The following CRIP2 variants were observed in gnomAD, a reference collection of about 807,000 sequenced individuals.
The protein encoded by CRIP2 is cysteine rich protein 2, also known as cysteine-rich protein 2.
CRIP2 carries 31 observed loss-of-function variants against 31.3 expected under a neutral mutation model. That is an observed-to-expected ratio of 0.99 (90% CI 0.74 to 1.34). The LOEUF (loss-of-function observed/expected upper bound fraction) is 1.34, where lower values mean the gene tolerates loss of function less well. Among genes scored for constraint, CRIP2 ranks in the 40% most tolerant of loss-of-function variants. CRIP2 has a pLI of 0.00. For missense variants in CRIP2, 389 were observed against 301.6 expected (o/e 1.29, Z -2.15); for synonymous variants, 177 against 127.2 (o/e 1.39, Z -2.63).
rs781977182 is a variant in CRIP2 at position 105,478,453 on chromosome 14, G to A, written c.142G>A (p.Asp48Asn). The A allele has an allele frequency of 6.2e-7, 1 of 1,605,114 alleles. No individual in the cohort carries two copies. Among genetic ancestry groups the A allele is most frequent in the Non-Finnish European group, 8.5e-7 (1 of 1,178,508 alleles). The part of the protein sequence containing the change: ...TLTPGGHAEH[D>N]GKPFCHKPCY... The stretch of plus-strand genomic sequence containing the variant: ...TGACCCGCGCCCCTCTGCGCAGCAT[G>A]ACGGGAAGCCGTTCTGCCACAAGCC... Residue 48 changes from aspartate to asparagine, a missense_variant, in exon 3 of 8, where the codon GAC becomes AAC. By Grantham distance (23) the Asp-to-Asn change is conservative. Coordinates refer to ENST00000329146, the MANE Select transcript of CRIP2 (RefSeq NM_001312.4). This position sits in a 1 kb window ranked among gnomAD's most constrained non-coding sequence, Gnocchi z 4.9.
chr14:105,479,063 G>C lies in CRIP2; in HGVS notation c.406+16G>C. The C allele has an allele frequency of 6.4e-7, 1 of 1,565,906 alleles. No individual in the cohort carries two copies. Among genetic ancestry groups the C allele is most frequent in the Non-Finnish European group, 8.6e-7 (1 of 1,156,776 alleles). ...GTGTACTTCGGTGAGTGCGCGCCCG[G>C]GCCCCGGACCCCCGCCCCCGCCCCC... On this transcript the variant is annotated intron_variant, in intron 5 of 7. Coordinates refer to ENST00000329146, the MANE Select transcript of CRIP2 (RefSeq NM_001312.4).
Position 105,478,697 on chromosome 14 carries a change from C to T in CRIP2, c.197-34C>T. 6.9e-7 allele frequency: 1 copy of T among 1,442,408 alleles called. No homozygotes were observed. Among genetic ancestry groups the T allele is most frequent in the Non-Finnish European group, 9.1e-7 (1 of 1,100,588 alleles). The allele number at this position is 1,442,408 out of a possible 1,614,324, so 89.4% of individuals were successfully genotyped here. A position where few individuals can be genotyped will look rare whatever the true frequency, so the allele number is the denominator to read the frequency against. ...TGCCCGGTGGCCGCGGCCCCCACCC[C>T]ACGTACCCCCGCCCCACGTACCCCC... is the stretch of plus-strand genomic sequence containing the variant. On this transcript the variant is annotated intron_variant, in intron 3 of 7. Coordinates refer to ENST00000329146, the MANE Select transcript of CRIP2 (RefSeq NM_001312.4). This position sits in a 1 kb window ranked among gnomAD's most constrained non-coding sequence, Gnocchi z 4.9.
At chr14:105,472,986 TCTCC>T, upstream of CRIP2, 1 of 580,992 alleles carries the variant, frequency 1.7e-6, no homozygotes, top group Non-Finnish European at 3.1e-6. Context: ...GGGCAGGTGG[TCTCC>T]CTCCAGAAGA....
In CRIP2 at chr14:105,479,775, T is replaced by C. The variant is rs2084051940; in HGVS notation, c.*122T>C. The C allele has an allele frequency of 3.5e-6, 4 of 1,129,514 alleles. No homozygotes were observed. The highest frequency in any genetic ancestry group is 1.5e-5 in the African/African-American group (1 of 65,150). The allele number at this position is 1,129,514 out of a possible 1,614,324, so 70.0% of individuals were successfully genotyped here. A position where few individuals can be genotyped will look rare whatever the true frequency, so the allele number is the denominator to read the frequency against. On this transcript the variant is annotated 3_prime_UTR_variant, in exon 8 of 8. Transcript: ENST00000329146. The stretch of plus-strand genomic sequence containing the variant: ...CCTGCCTGCAAGCCCAGGGCGAGTA[T>C]TGGAGGAGGGGCAGCCACGGGCAGA...
At chr14:105,474,029 G>C (rs2083883815), upstream of CRIP2, 2 of 161,152 alleles carry the variant, frequency 1.2e-5, no homozygotes, top group African/African-American at 4.8e-5. This position sits in a 1 kb window ranked among gnomAD's most constrained non-coding sequence, Gnocchi z 5.1. Context: ...GCTTGGGGTG[G>C]ACGCCTTAAG....
chr14:105,473,386 G>C (rs1442871215), upstream of CRIP2: 3 of 1,535,762 alleles, frequency 2.0e-6, no homozygotes, highest in Admixed American at 2.0e-5. Context: ...AGTGGCTGCA[G>C]GGTGTGTGTG....
chr14:105,474,636 G>A (rs1480848223), upstream of CRIP2: 4 of 298,712 alleles, frequency 1.3e-5, no homozygotes, highest in Admixed American at 6.7e-5. The surrounding 1 kb of genome is among the most constrained non-coding windows in gnomAD (Gnocchi z 5.1). Context: ...GGGGCCCGGG[G>A]GCGCCAGGCC....
intron 1 of CRIP2, chr14:105,477,285 G>T: frequency 1.0e-6 from 1 of 985,474 alleles, no homozygotes; most frequent in East Asian, 1.1e-4. Context: ...GGCAGTGGCA[G>T]AGGGTCCCGG....
In CRIP2 at chr14:105,479,578, C is replaced by G. The variant is rs782484806; in HGVS notation, c.560-8C>G. The G allele has an allele frequency of 5.0e-6, 8 of 1,612,852 alleles. No homozygotes were observed. The highest frequency in any genetic ancestry group is 6.8e-6 in the Non-Finnish European group (8 of 1,179,942). On this transcript the variant is annotated splice_polypyrimidine_tract_variant and splice_region_variant and intron_variant, in intron 7 of 7. Transcript: ENST00000329146. ...CCCCCGACCCACCCCAGCGGCCTCCCTCCACAGGAGTGAACACCGGTGCGG... is the reference window on the plus strand; with the variant it reads ...CCCCCGACCCACCCCAGCGGCCTCCGTCCACAGGAGTGAACACCGGTGCGG...
chr14:105,477,642 G>A (rs1289900734), intron 1 of CRIP2: 9 of 828,768 alleles, frequency 1.1e-5, no homozygotes, highest in Non-Finnish European at 1.2e-5. Flanking sequence ...AATGACAGGT[G>A]GGGGAGATGC....
At chr14:105,476,449 T>C in intron 1 of CRIP2, 2 of 985,454 alleles carry the variant, frequency 2.0e-6, no homozygotes, top group Non-Finnish European at 2.4e-6. Flanking sequence ...TCGGAGCACA[T>C]TGAGGAGGCC....
At position 105,479,686 on chromosome 14, in the gene CRIP2, G is replaced by A. The variant is rs782774466; in HGVS notation, c.*33G>A. ...CGGCTCTCATGATGTGGGCTCACCT[G>A]CGCCCCAGACCCTGCAGGGGCCCCC... On this transcript the variant is annotated 3_prime_UTR_variant, in exon 8 of 8. Transcript: ENST00000329146. The A allele has an allele frequency of 2.5e-6, 4 of 1,599,352 alleles. No individual in the cohort carries two copies. The highest frequency in any genetic ancestry group is 1.7e-5 in the Admixed American group (1 of 58,640).
chr14:105,476,666 G>A (rs587613976), intron 1 of CRIP2: 13 of 985,000 alleles, frequency 1.3e-5, no homozygotes, highest in African/African-American at 7.0e-5. Flanking sequence ...CAGCTGCCAC[G>A]GCCGATAGCC....
rs1488965172 is a variant in CRIP2, at chr14:105,480,098, G to C, written c.*445G>C. On this transcript the variant is annotated 3_prime_UTR_variant, in exon 8 of 8. Coordinates refer to ENST00000329146, the MANE Select transcript of CRIP2 (RefSeq NM_001312.4). ...TGCCCACACTGCCTCGCAAGCGCTCGCCACCCTCACGTGGCTCACCTGCTG... is the reference window on the plus strand; with the variant it reads ...TGCCCACACTGCCTCGCAAGCGCTCCCCACCCTCACGTGGCTCACCTGCTG... The C allele has an allele frequency of 1.0e-5, 2 of 198,720 alleles. No individual in the cohort carries two copies. The highest frequency in any genetic ancestry group is 2.1e-5 in the Non-Finnish European group (2 of 95,970). 12.3% of individuals were successfully genotyped at this position (198,720 alleles called of 1,614,324 possible).
At chr14:105,476,472 A>G (rs1323147030) in intron 1 of CRIP2, 3 of 985,428 alleles carry the variant, frequency 3.0e-6, no homozygotes, top group East Asian at 1.1e-4. Context: ...CCCAGAGCCC[A>G]TGCAGCCAGG....
At chr14:105,475,776 C>T in intron 1 of CRIP2, 9 of 973,006 alleles carry the variant, frequency 9.2e-6, no homozygotes, top group Non-Finnish European at 1.1e-5. Context: ...TTCCTCCTGG[C>T]TGATTCGCTG....
chr14:105,479,160 C>G lies in CRIP2; in HGVS notation c.442C>G (p.Arg148Gly), dbSNP rs145201995. 2 of 1,611,664 alleles carry G rather than the reference C, an allele frequency of 1.2e-6. No homozygotes were observed. The highest frequency in any genetic ancestry group is 2.7e-5 in the African/African-American group (2 of 74,856). The stretch of plus-strand genomic sequence containing the variant: ...GACGTCTCTGGGCAAGGATTGGCAC[C>G]GGCCCTGCCTGCGCTGCGAGCGCTG... ...KVTSLGKDWHRPCLRCERCGK... is the reference protein window; with the variant it reads ...KVTSLGKDWHGPCLRCERCGK... The change falls in exon 6 of 8, where the codon CGG becomes GGG. Residue 148 changes from arginine (R) to glycine (G), a missense_variant. Coordinates refer to ENST00000329146, the MANE Select transcript of CRIP2 (RefSeq NM_001312.4).
At position 105,474,831 on chromosome 14, in the gene CRIP2, C is replaced by T. The variant is rs782588488; in HGVS notation, c.-32C>T. The T allele has an allele frequency of 1.4e-6, 2 of 1,434,250 alleles. No individual in the cohort carries two copies. Among genetic ancestry groups the T allele is most frequent in the Non-Finnish European group, 1.8e-6 (2 of 1,083,226 alleles). 88.8% of individuals were successfully genotyped at this position (1,434,250 alleles called of 1,614,324 possible). Reference sequence around the variant, plus strand: ...CGGCGGCGGCCCGGAGGAGAACGGGCGGAGGGCGCGGGCCGACCGGGCGCA... The same window carrying T: ...CGGCGGCGGCCCGGAGGAGAACGGGTGGAGGGCGCGGGCCGACCGGGCGCA... On this transcript the variant is annotated 5_prime_UTR_variant, in exon 1 of 8. Coordinates refer to ENST00000329146, the MANE Select transcript of CRIP2 (RefSeq NM_001312.4). The surrounding 1 kb of genome is among the most constrained non-coding windows in gnomAD (Gnocchi z 5.1).
At chr14:105,474,682 G>A, upstream of CRIP2, 1 of 765,748 alleles carries the variant, frequency 1.3e-6, no homozygotes, top group Non-Finnish European at 1.6e-6. The surrounding 1 kb of genome is among the most constrained non-coding windows in gnomAD (Gnocchi z 5.1). Flanking sequence ...CCCCCGGCAG[G>A]TGCGCCCCGC....
Sources: allele counts gnomAD v4.1 joint callset, GRCh38; gene constraint gnomAD v4.1.1; non-coding constraint Gnocchi (gnomAD v3.1); transcripts MANE v1.5; gene names NCBI Gene and HGNC (gene_info 2026-07-23, HGNC 2026-07-21).